ARG1: variants seen among roughly 807,000 people sequenced by gnomAD.
ARG1 encodes arginase-1.
In ARG1, 20 loss-of-function variants were observed where a neutral mutation model predicts 33.0. That is an observed-to-expected ratio of 0.61 (90% CI 0.43 to 0.88). The LOEUF (loss-of-function observed/expected upper bound fraction) is 0.88. Ranked by LOEUF, ARG1 falls within the 40% of genes least tolerant of loss-of-function variation. ARG1 has a pLI of 0.00. For missense variants in ARG1, 374 were observed against 384.7 expected (o/e 0.97, Z 0.23); for synonymous variants, 146 against 140.6 (o/e 1.04, Z -0.27).
chr6:131,574,069 T>C (rs1773496913), intron 1 of ARG1: 2 of 601,588 alleles, frequency 3.3e-6, no homozygotes, highest in Non-Finnish European at 6.0e-6. Context: ...ATACACTTTT[T>C]TTTCTGCCTG....
At chr6:131,574,194 A>C in intron 1 of ARG1, 1 of 1,346,624 alleles carries the variant, frequency 7.4e-7, no homozygotes, top group Non-Finnish European at 1.1e-6. Context: ...ACAATGTATG[A>C]GTTGAAACTA....
chr6:131,582,795 A>G (rs1396111923), intron 5 of ARG1, 80 bp downstream of exon 5: 6 of 1,208,588 alleles, frequency 5.0e-6, no homozygotes, highest in Non-Finnish European at 6.2e-6. Context: ...CAACTCTATG[A>G]GAGAAAATTA....
At chr6:131,574,185 C>T in intron 1 of ARG1, 1 of 1,308,434 alleles carries the variant, frequency 7.6e-7, no homozygotes, top group Non-Finnish European at 1.1e-6. Context: ...TCAAACAAGA[C>T]AATGTATGAG....
chr6:131,583,267 A>G, intron 6 of ARG1, 88 bp from the exon 7 acceptor site: 1 of 1,606,078 alleles, frequency 6.2e-7, no homozygotes, highest in South Asian at 1.1e-5. Context: ...ATGGGTTGCT[A>G]CTTTTTATAA....
At chr6:131,582,934 TATTG>T in intron 5 of ARG1, 122 bp from the exon 6 acceptor site, 1 of 795,842 alleles carries the variant, frequency 1.3e-6, no homozygotes, top group Admixed American at 2.7e-5. Flanking sequence ...AATAAAACTA[TATTG>T]AGTTAGGTTC....
intron 1 of ARG1, among the ~76,000 whole-genome samples, chr6:131,573,705 G>C (rs1243011698): frequency 6.6e-6 from 1 of 152,198 alleles, no homozygotes; most frequent in Non-Finnish European, 1.5e-5. Flanking sequence ...TAGAGGAAGA[G>C]AGAATTTTAA....
At chr6:131,582,840 C>T (rs1774005097) in intron 5 of ARG1, 125 bp downstream of exon 5, 4 of 852,962 alleles carry the variant, frequency 4.7e-6, no homozygotes, top group South Asian at 2.8e-5. Context: ...CATGCCCACA[C>T]ACATATATTT....
chr6:131,578,548 A>G (rs935917277), intron 2 of ARG1, among the ~76,000 whole-genome samples: 1 of 152,218 alleles, frequency 6.6e-6, no homozygotes, highest in Non-Finnish European at 1.5e-5. Context: ...TGTTAGGCTC[A>G]GTGCTAAGTA....
At chr6:131,573,403 T>G (rs1156709839) in intron 1 of ARG1, 64 bp downstream of exon 1, 3 of 1,510,568 alleles carry the variant, frequency 2.0e-6, no homozygotes, top group Non-Finnish European at 2.8e-6. Flanking sequence ...CTTCAAAATT[T>G]GTAAGGTGTT....
intron 4 of ARG1, 150 bp downstream of exon 4, chr6:131,581,528 T>A (rs1773925823): frequency 1.1e-6 from 1 of 912,988 alleles, no homozygotes; most frequent in Non-Finnish European, 1.7e-6. Flanking sequence ...GGTTGGTTGA[T>A]AAAAGGCAGT....
intron 3 of ARG1, among the ~76,000 whole-genome samples, chr6:131,580,978 G>GA (rs1223378238): frequency 1.6e-4 from 24 of 151,734 alleles, no homozygotes; most frequent in African/African-American, 2.7e-4. Context: ...TGGATTTTGG[G>GA]AAAAAAAATC....
In ARG1 at chr6:131,583,082, A is replaced by G. The variant is rs761361984; in HGVS notation, c.583A>G (p.Ile195Val). 1.9e-6 allele frequency: 3 copies of G among 1,613,526 alleles called. No homozygotes were observed. The highest frequency in any genetic ancestry group is 2.5e-6 in the Non-Finnish European group (3 of 1,179,584). Residue 195 changes from isoleucine (I) to valine (V), a missense_variant, in exon 6 of 8, where the codon ATT becomes GTT. Coordinates refer to ENST00000368087, the MANE Select transcript of ARG1 (RefSeq NM_000045.4). ...TAGCTACATTTTGAAAACTCTAGGC[A>G]TTAAATACTTTTCAATGACTGAAGT... ...GEHYILKTLG[I>V]KYFSMTEVDR...
chr6:131,584,080 T>TCTAA lies in ARG1; in HGVS notation c.*175_*178dup. 2 of 768,576 alleles carry TCTAA rather than the reference T, an allele frequency of 2.6e-6. No homozygotes were observed. The highest frequency in any genetic ancestry group is 2.0e-5 in the South Asian group (1 of 50,898). The allele number at this position is 768,576 out of a possible 1,614,324, so 47.6% of individuals were successfully genotyped here. A position where few individuals can be genotyped will look rare whatever the true frequency, so the allele number is the denominator to read the frequency against. On this transcript the variant is annotated 3_prime_UTR_variant, in exon 8 of 8. Coordinates refer to ENST00000368087, the MANE Select transcript of ARG1 (RefSeq NM_000045.4). ...GGTGTAAAATTCAAGATGTGGAAAT[T>TCTAA]CTAACTTTTTTGAAATTTAAAAGCT...
intron 1 of ARG1, chr6:131,574,214 A>T: frequency 1.3e-6 from 2 of 1,551,256 alleles, no homozygotes; most frequent in Admixed American, 3.3e-5. Flanking sequence ...ACTAAGGTTG[A>T]TTTTCTCCAG....
At chr6:131,576,572 G>T in intron 1 of ARG1, 91 bp from the exon 2 acceptor site, 6 of 1,256,848 alleles carry the variant, frequency 4.8e-6, no homozygotes, top group Non-Finnish European at 7.0e-6. Flanking sequence ...GATAGTTACA[G>T]TTCAACTGAT....
intron 1 of ARG1, chr6:131,573,893 G>A (rs1374591462): frequency 1.4e-5 from 4 of 287,280 alleles, no homozygotes; most frequent in African/African-American, 2.2e-5. Context: ...TCATGGACTA[G>A]GTAGAATCCT....
chr6:131,575,365 C>A lies in ARG1; in HGVS notation c.58-1298C>A, dbSNP rs142407022. Among the ~76,000 whole-genome samples the A allele has an allele frequency of 3.5e-3, 530 of 152,150 alleles. 4 individuals are homozygous for A. Among genetic ancestry groups the A allele is most frequent in the African/African-American group, 0.012 (503 of 41,516 alleles). On this transcript the variant is annotated intron_variant, in intron 1 of 7. Transcript: ENST00000368087. ...GGAAAAGACAAAAACAGACACAAAA[C>A]TAAAGGCAAAACATGAACCAAGCAG...
chr6:131,576,030 C>T (rs1360745430), intron 1 of ARG1, among the ~76,000 whole-genome samples: 1 of 152,160 alleles, frequency 6.6e-6, no homozygotes, highest in Non-Finnish European at 1.5e-5. Context: ...CCAATCGTTC[C>T]CTTGGTTTGC....
At position 131,584,073 on chromosome 6, in the gene ARG1, T is replaced by C; in HGVS notation, c.*165T>C. On this transcript the variant is annotated 3_prime_UTR_variant, in exon 8 of 8. Transcript: ENST00000368087. ...CCCTCTTGGTGTAAAATTCAAGATG[T>C]GGAAATTCTAACTTTTTTGAAATTT... The C allele has an allele frequency of 1.3e-6, 1 of 797,870 alleles. No individual in the cohort carries two copies. Among genetic ancestry groups the C allele is most frequent in the Non-Finnish European group, 1.9e-6 (1 of 523,190 alleles). 49.4% of individuals were successfully genotyped at this position (797,870 alleles called of 1,614,324 possible).
Sources: gnomAD v4.1 joint callset for allele counts (sites outside exome capture counted in the v4.1 genomes callset) on GRCh38, gnomAD v4.1.1 for gene constraint, MANE v1.5 for transcripts, NCBI Gene and HGNC (gene_info 2026-07-23, HGNC 2026-07-21) for gene names.